ARPP21: variants seen among roughly 807,000 people sequenced by gnomAD.
The protein encoded by ARPP21 is cAMP regulated phosphoprotein 21.
ARPP21 carries 69 observed loss-of-function variants against 113.2 expected under a neutral mutation model. The observed-to-expected ratio is 0.61, with a 90% confidence interval of 0.50 to 0.74. The LOEUF (loss-of-function observed/expected upper bound fraction) is 0.74, where lower values mean the gene tolerates loss of function less well. Among genes scored for constraint, ARPP21 ranks in the 30% least tolerant of loss-of-function variants. ARPP21 has a pLI of 0.00. For synonymous variants in ARPP21, 368 were observed against 375.5 expected (o/e 0.98, Z 0.23); for missense variants, 1,070 against 1,037.4 (o/e 1.03, Z -0.43).
intron 10 of ARPP21, chr3:35,707,357 C>G (rs113384410): frequency 1.0e-3 from 630 of 602,312 alleles, no homozygotes; most frequent in Non-Finnish European, 1.4e-3. Context: ...CTGGGAGGGT[C>G]GGGATGCCAC....
chr3:35,769,582 A>C (rs543512258), intron 19 of ARPP21, among the ~76,000 whole-genome samples: 1 of 152,268 alleles, frequency 6.6e-6, no homozygotes, highest in South Asian at 2.1e-4. Flanking sequence ...TGAGTTCGCT[A>C]TCTTTTGTTG....
intron 19 of ARPP21, among the ~76,000 whole-genome samples, chr3:35,787,388 A>G (rs1039294331): frequency 6.6e-6 from 1 of 152,206 alleles, no homozygotes; most frequent in Non-Finnish European, 1.5e-5. Flanking sequence ...ACAAACCAGA[A>G]TAAATATAGT....
chr3:35,687,278 A>T (rs1009194970), intron 5 of ARPP21, among the ~76,000 whole-genome samples: 2 of 150,998 alleles, frequency 1.3e-5, no homozygotes, highest in African/African-American at 4.8e-5. Flanking sequence ...GGCTTTCTTT[A>T]TGTCTGTTCT....
At chr3:35,750,690 A>G (rs765626322) in intron 19 of ARPP21, among the ~76,000 whole-genome samples, 28 of 152,148 alleles carry the variant, frequency 1.8e-4, no homozygotes, top group Non-Finnish European at 3.8e-4. Context: ...AAGACTTTCT[A>G]AAGCCCTGGA....
At chr3:35,787,698 T>G (rs1409717471) in intron 19 of ARPP21, among the ~76,000 whole-genome samples, 1 of 152,230 alleles carries the variant, frequency 6.6e-6, no homozygotes, top group Non-Finnish European at 1.5e-5. Context: ...AGCATAATTC[T>G]TATCTTTTTT....
intron 1 of ARPP21, among the ~76,000 whole-genome samples, chr3:35,647,000 C>G (rs902240580): frequency 2.6e-5 from 4 of 152,090 alleles, no homozygotes; most frequent in African/African-American, 9.7e-5. Context: ...GAAATTTTCA[C>G]GTAATCACTA....
intron 19 of ARPP21, among the ~76,000 whole-genome samples, chr3:35,774,232 C>A (rs1249923575): frequency 6.6e-6 from 1 of 152,152 alleles, no homozygotes; most frequent in Non-Finnish European, 1.5e-5. Context: ...GCCTGCGCAA[C>A]ATAGCAAGGC....
intron 1 of ARPP21, among the ~76,000 whole-genome samples, chr3:35,649,432 T>C (rs1260953410): frequency 6.6e-6 from 1 of 152,160 alleles, no homozygotes; most frequent in Non-Finnish European, 1.5e-5. Flanking sequence ...TCCATATAAG[T>C]GGGAGGGAAT....
chr3:35,704,099 A>C (rs1397528872), intron 9 of ARPP21, among the ~76,000 whole-genome samples: 1 of 151,920 alleles, frequency 6.6e-6, no homozygotes, highest in Non-Finnish European at 1.5e-5. Flanking sequence ...ATTTTTAAGC[A>C]AAATTCAAAT....
chr3:35,680,913 T>C (rs2078709008), intron 2 of ARPP21: 1 of 151,804 alleles, frequency 6.6e-6, no homozygotes, highest in Admixed American at 6.6e-5. Flanking sequence ...AGGGGTTTTA[T>C]AAAGGTAGGG....
At chr3:35,771,797 T>C (rs2096213365) in intron 19 of ARPP21, among the ~76,000 whole-genome samples, 1 of 152,214 alleles carries the variant, frequency 6.6e-6, no homozygotes, top group South Asian at 2.1e-4. Context: ...AAGGGAATTA[T>C]AGTCAAGAAG....
Position 35,729,307 on chromosome 3 carries a change from C to A in ARPP21, c.1230C>A (p.Ser410=). The A allele has an allele frequency of 6.2e-7, 1 of 1,612,634 alleles. No homozygotes were observed. The highest frequency in any genetic ancestry group is 8.5e-7 in the Non-Finnish European group (1 of 1,178,722). ...RSTGKLSKAG[S]ESSSSAGSSG... is the part of the protein sequence containing the mutation. ...TTGATTGTATCCCTATGCCAGGTTCCGAGTCTTCCAGCAGTGCAGGCTCCT... is the reference window on the plus strand; with the variant it reads ...TTGATTGTATCCCTATGCCAGGTTCAGAGTCTTCCAGCAGTGCAGGCTCCT... Residue 410 remains serine, a synonymous_variant, in exon 15 of 21, where the codon TCC becomes TCA. Coordinates refer to ENST00000684406, the MANE Select transcript of ARPP21 (RefSeq NM_001385562.1).
At chr3:35,667,896 A>AGGAAGC (rs2074937773) in intron 1 of ARPP21, among the ~76,000 whole-genome samples, 1 of 141,528 alleles carries the variant, frequency 7.1e-6, no homozygotes, top group Non-Finnish European at 1.5e-5. Context: ...GAAGAGGAAG[A>AGGAAGC]GGAAGAGGAA....
chr3:35,649,023 T>TA (rs1195771012), intron 1 of ARPP21, among the ~76,000 whole-genome samples: 1 of 152,182 alleles, frequency 6.6e-6, no homozygotes, highest in Non-Finnish European at 1.5e-5. Flanking sequence ...TTAACTAACT[T>TA]ACGTTAAATA....
chr3:35,766,240 T>A (rs2095971873), intron 19 of ARPP21, among the ~76,000 whole-genome samples: 2 of 152,176 alleles, frequency 1.3e-5, no homozygotes, highest in Admixed American at 1.3e-4. Context: ...TACAGCCACA[T>A]GGCTCTCCCA....
intron 19 of ARPP21, among the ~76,000 whole-genome samples, chr3:35,779,476 C>A (rs769860755): frequency 1.6e-4 from 25 of 152,024 alleles, no homozygotes; most frequent in Non-Finnish European, 2.9e-4. Flanking sequence ...GAACAAGAAG[C>A]TGTCTTACTC....
intron 1 of ARPP21, among the ~76,000 whole-genome samples, chr3:35,645,562 C>T (rs943907566): frequency 6.6e-6 from 1 of 151,820 alleles, no homozygotes; most frequent in South Asian, 2.1e-4. Flanking sequence ...CCTAGATAAG[C>T]CTAGTCATCT....
At chr3:35,694,144 T>C (rs1272868956) in intron 9 of ARPP21, among the ~76,000 whole-genome samples, 1 of 151,604 alleles carries the variant, frequency 6.6e-6, no homozygotes, top group Non-Finnish European at 1.5e-5. Context: ...GTTAAGTAAC[T>C]ATAGAATGTG....
At chr3:35,684,814 C>T (rs1351245905) in intron 5 of ARPP21, 6 of 983,350 alleles carry the variant, frequency 6.1e-6, no homozygotes, top group Non-Finnish European at 7.2e-6. Context: ...TTTTTTCTAG[C>T]ATCATTTTCT....
Sources: gnomAD v4.1 joint callset for allele counts (sites outside exome capture counted in the v4.1 genomes callset) on GRCh38, gnomAD v4.1.1 for gene constraint, MANE v1.5 for transcripts, NCBI Gene and HGNC (gene_info 2026-07-23, HGNC 2026-07-21) for gene names.